The following CTIF variants were observed in gnomAD, a reference collection of about 807,000 sequenced individuals.
CTIF encodes CBP80/20-dependent translation initiation factor.
Under a neutral mutation model 66.0 loss-of-function variants are expected in CTIF, and 21 were observed. That is an observed-to-expected ratio of 0.32 (90% CI 0.23 to 0.46). CTIF has a LOEUF of 0.46. Among genes scored for constraint, CTIF ranks in the 20% least tolerant of loss-of-function variants. The pLI is 1.00. For missense variants in CTIF, 739 were observed against 812.7 expected (o/e 0.91, Z 1.10); for synonymous variants, 345 against 326.4 (o/e 1.06, Z -0.62).
intron 5 of CTIF, among the ~76,000 whole-genome samples, chr18:48,665,976 T>C (rs560153861): frequency 1.2e-4 from 18 of 152,338 alleles, no homozygotes; most frequent in African/African-American, 4.1e-4. Flanking sequence ...ATACCTGGGG[T>C]GGAATTGCTG....
At chr18:48,614,472 T>C (rs1447959067) in intron 1 of CTIF, among the ~76,000 whole-genome samples, 1 of 152,176 alleles carries the variant, frequency 6.6e-6, no homozygotes, top group African/African-American at 2.4e-5. Flanking sequence ...AGTGGATGAA[T>C]GGATAAATAA....
chr18:48,570,961 G>C (rs2089402878), intron 1 of CTIF, among the ~76,000 whole-genome samples: 1 of 152,162 alleles, frequency 6.6e-6, no homozygotes, highest in Non-Finnish European at 1.5e-5. Context: ...GGTGCTGGCT[G>C]CACAACAGTG....
intron 7 of CTIF, among the ~76,000 whole-genome samples, chr18:48,717,263 G>A (rs1259862665): frequency 1.3e-5 from 2 of 152,160 alleles, no homozygotes; most frequent in East Asian, 1.9e-4. Flanking sequence ...GCCGAGCGTG[G>A]TGGTGCAGCC....
Position 48,846,821 on chromosome 18 carries a change from GGATA to G in CTIF, c.1528-10759_1528-10756del, listed in dbSNP as rs547359090. On this transcript the variant is annotated intron_variant, in intron 10 of 11. Transcript: ENST00000256413. ...TACATGGATGAAAGGATGGATGGAT[GGATA>G]GATAGATGAATGAAAGAATGGATGG... 2.7e-3 allele frequency among the ~76,000 whole-genome samples: 405 copies of G among 151,384 alleles called. 6 individuals carry two copies. Among genetic ancestry groups the G allele is most frequent in the South Asian group, 8.8e-3 (42 of 4,766 alleles).
At chr18:48,729,236 A>G (rs543130415) in intron 7 of CTIF, among the ~76,000 whole-genome samples, 3 of 152,246 alleles carry the variant, frequency 2.0e-5, no homozygotes, top group African/African-American at 4.8e-5. Context: ...TAGTTCTGGG[A>G]AAAGGAAACT....
intron 10 of CTIF, among the ~76,000 whole-genome samples, chr18:48,845,439 C>CT (rs1357943068): frequency 6.6e-6 from 1 of 152,208 alleles, no homozygotes; most frequent in East Asian, 1.9e-4. Context: ...TCTTGGAACT[C>CT]TTGGCCCTCA....
chr18:48,677,675 A>G (rs988357819), intron 6 of CTIF, among the ~76,000 whole-genome samples: 5 of 152,150 alleles, frequency 3.3e-5, no homozygotes, highest in Non-Finnish European at 5.9e-5. Context: ...TCATCACTCA[A>G]GAATCGTCAC....
intron 9 of CTIF, among the ~76,000 whole-genome samples, chr18:48,789,644 T>C (rs997387370): frequency 3.3e-5 from 5 of 152,136 alleles, no homozygotes; most frequent in African/African-American, 1.2e-4. Context: ...CCTAAATTGG[T>C]CTCTAGAGTC....
At chr18:48,572,818 A>C (rs1439736477) in intron 1 of CTIF, among the ~76,000 whole-genome samples, 1 of 151,878 alleles carries the variant, frequency 6.6e-6, no homozygotes, top group Non-Finnish European at 1.5e-5. Flanking sequence ...AGAAACCCCA[A>C]CTCTTCAAAA....
chr18:48,551,396 T>C (rs182563940), intron 1 of CTIF, among the ~76,000 whole-genome samples: 185 of 151,766 alleles, frequency 1.2e-3, no homozygotes, highest in Non-Finnish European at 1.9e-3. Context: ...GTGGAGGGAG[T>C]GTGGCCCTGC....
chr18:48,849,516 C>T (rs115352942), intron 10 of CTIF, among the ~76,000 whole-genome samples: 9,376 of 150,876 alleles, frequency 0.062, 421 homozygotes, highest in South Asian at 0.21. Flanking sequence ...TTTTAAAAAC[C>T]ATTTTTTATT....
rs2069513406 is a variant in CTIF at position 48,863,035 on chromosome 18, G to A, written c.*3476G>A. The A allele has an allele frequency of 1.3e-5, 2 of 152,424 alleles. No individual in the cohort carries two copies. Among genetic ancestry groups the A allele is most frequent in the Admixed American group, 1.3e-4 (2 of 15,312 alleles). The allele number at this position is 152,424 out of a possible 1,614,324, so 9.4% of individuals were successfully genotyped here. On this transcript the variant is annotated 3_prime_UTR_variant, in exon 12 of 12. Coordinates refer to ENST00000256413, the MANE Select transcript of CTIF (RefSeq NM_014772.3). ...ACACGGAAGGGCTGGCCGCCTCCCTGAGCCGGCTGGGAGTGGACGACAGGA... is the reference window on the plus strand; with the variant it reads ...ACACGGAAGGGCTGGCCGCCTCCCTAAGCCGGCTGGGAGTGGACGACAGGA...
At chr18:48,840,539 T>C (rs963383923) in intron 10 of CTIF, among the ~76,000 whole-genome samples, 3 of 152,172 alleles carry the variant, frequency 2.0e-5, no homozygotes, top group African/African-American at 7.2e-5. Context: ...AATTAACTTC[T>C]CTTATCTCCG....
chr18:48,652,910 C>T (rs1458347308), intron 3 of CTIF, among the ~76,000 whole-genome samples: 1 of 152,176 alleles, frequency 6.6e-6, no homozygotes, highest in East Asian at 1.9e-4. Flanking sequence ...CAGAAAAGGC[C>T]TTTGACAAAA....
chr18:48,692,785 C>T (rs975070662), intron 6 of CTIF: 1 of 152,200 alleles, frequency 6.6e-6, no homozygotes, highest in Non-Finnish European at 1.5e-5. Flanking sequence ...TTGAAAGAGA[C>T]TGGTGCTAGT....
intron 1 of CTIF, among the ~76,000 whole-genome samples, chr18:48,580,288 G>A (rs1257720811): frequency 6.6e-6 from 1 of 151,544 alleles, no homozygotes; most frequent in Non-Finnish European, 1.5e-5. Context: ...GTCCCCTCAG[G>A]AGGGTCAATG....
chr18:48,737,995 GTCTA>G (rs2092518815), intron 7 of CTIF, among the ~76,000 whole-genome samples: 1 of 152,220 alleles, frequency 6.6e-6, no homozygotes, highest in African/African-American at 2.4e-5. Context: ...ACGGTGGGGT[GTCTA>G]ATACACTTCT....
chr18:48,785,183 T>A (rs951452044), intron 9 of CTIF, among the ~76,000 whole-genome samples: 1 of 152,180 alleles, frequency 6.6e-6, no homozygotes, highest in Non-Finnish European at 1.5e-5. Flanking sequence ...TTTTCCCTCC[T>A]TCCTTCCCTC....
At chr18:48,650,720 T>C (rs374585640) in intron 3 of CTIF, among the ~76,000 whole-genome samples, 3 of 151,944 alleles carry the variant, frequency 2.0e-5, no homozygotes, top group Admixed American at 1.3e-4. Context: ...AGGGCAGCCA[T>C]AGAGAAAGGT....
Sources: allele counts gnomAD v4.1 joint callset (sites outside exome capture counted in the v4.1 genomes callset), GRCh38; gene constraint gnomAD v4.1.1; transcripts MANE v1.5; gene names NCBI Gene and HGNC (gene_info 2026-07-23, HGNC 2026-07-21).